The following DBT variants were observed in gnomAD, a reference collection of about 807,000 sequenced individuals.
DBT encodes the protein lipoamide acyltransferase component of branched-chain alpha-keto acid dehydrogenase complex, mitochondrial.
DBT carries 40 observed loss-of-function variants against 51.3 expected under a neutral mutation model. That is an observed-to-expected ratio of 0.78 (90% CI 0.61 to 1.02). The LOEUF (loss-of-function observed/expected upper bound fraction) is 1.02, where lower values mean the gene tolerates loss of function less well. DBT is among the 50% of genes least tolerant of loss of function. DBT has a pLI of 0.00. For missense variants in DBT, 510 were observed against 580.2 expected (o/e 0.88, Z 1.24); for synonymous variants, 181 against 190.4 (o/e 0.95, Z 0.41).
At chr1:100,243,320 T>G (rs1431295730) in intron 1 of DBT, among the ~76,000 whole-genome samples, 2 of 151,642 alleles carry the variant, frequency 1.3e-5, no homozygotes, top group African/African-American at 4.8e-5. Context: ...TCATCTTTTT[T>G]TCTTTTTTTT....
At chr1:100,239,112 A>C (rs1157323996) in intron 2 of DBT, among the ~76,000 whole-genome samples, 1 of 152,220 alleles carries the variant, frequency 6.6e-6, no homozygotes, top group East Asian at 1.9e-4. Flanking sequence ...TATCCCAAGC[A>C]CCTAGAGCAG....
At chr1:100,239,851 C>CAAAAAAA (rs56661922) in intron 2 of DBT, among the ~76,000 whole-genome samples, 323 of 111,076 alleles carry the variant, frequency 2.9e-3, no homozygotes, top group Non-Finnish European at 5.0e-3. Flanking sequence ...CAACAGAGCT[C>CAAAAAAA]AAAAAAAAAA....
intron 2 of DBT, among the ~76,000 whole-genome samples, chr1:100,236,336 T>C (rs922705087): frequency 1.3e-5 from 2 of 152,190 alleles, no homozygotes; most frequent in Non-Finnish European, 2.9e-5. Flanking sequence ...TTCTGATCAT[T>C]TGAAAGCACG....
rs398123662 is a variant in DBT at position 100,196,274 on chromosome 1, A to C, written c.1430T>G (p.Met477Arg). Residue 477 changes from methionine to arginine, a missense_variant, in exon 11 of 11, where the codon ATG becomes AGG. Physicochemically the swap from Met to Arg is moderately conservative, Grantham distance 91 (BLOSUM62 -1). Transcript: ENST00000370132. ...CAGTCTTCATTTCAGATCTAGTAGC[A>C]TAAAAGCTGGGTTTTCTAAATAGGA... ...WKSYLENPAF[M>R]LLDLK 3.1e-6 allele frequency: 5 copies of C among 1,613,900 alleles called. No homozygotes were observed. The Middle Eastern group carries it at 4.9e-4, about 159-fold the overall frequency.
intron 10 of DBT, among the ~76,000 whole-genome samples, chr1:100,204,149 G>C (rs573249650): frequency 2.0e-5 from 3 of 152,314 alleles, no homozygotes; most frequent in African/African-American, 7.2e-5. Context: ...TATAGGAAGA[G>C]AGGAAGTCAA....
In DBT at chr1:100,188,265, A is replaced by C. The variant is rs1266711585; in HGVS notation, c.*7990T>G. 1 of 152,156 alleles carries C rather than the reference A, an allele frequency of 6.6e-6. No individual in the cohort carries two copies. Among genetic ancestry groups the C allele is most frequent in the East Asian group, 1.9e-4 (1 of 5,192 alleles). The allele number at this position is 152,156 out of a possible 1,614,324, so 9.4% of individuals were successfully genotyped here. ...ATTTATATTCATCCCTGCCATTCCT[A>C]TTAACTTAATTACACCTGCCCACAA... On this transcript the variant is annotated 3_prime_UTR_variant, in exon 11 of 11. Transcript: ENST00000370132.
chr1:100,217,466 C>A (rs1402772606), intron 5 of DBT, among the ~76,000 whole-genome samples: 1 of 152,132 alleles, frequency 6.6e-6, no homozygotes, highest in Non-Finnish European at 1.5e-5. Context: ...GTGTATGCAT[C>A]TTCTAATTTT....
intron 4 of DBT, among the ~76,000 whole-genome samples, chr1:100,226,367 T>C (rs1240854679): frequency 6.7e-6 from 1 of 148,802 alleles, no homozygotes; most frequent in East Asian, 2.0e-4. Flanking sequence ...CACTGCAGCC[T>C]CTACCTCCTG....
At chr1:100,234,357 T>G (rs1242780227) in intron 3 of DBT, among the ~76,000 whole-genome samples, 2 of 151,930 alleles carry the variant, frequency 1.3e-5, no homozygotes, top group African/African-American at 2.4e-5. Flanking sequence ...CAAAAAAAGC[T>G]GGGTGCAGTG....
At chr1:100,242,019 C>CA (rs890529742) in intron 1 of DBT, among the ~76,000 whole-genome samples, 172 of 140,496 alleles carry the variant, frequency 1.2e-3, no homozygotes, top group South Asian at 1.8e-3. Context: ...GACTCCATCT[C>CA]AAAAAAAAAA....
At chr1:100,215,777 G>A (rs1348168665) in intron 6 of DBT, among the ~76,000 whole-genome samples, 2 of 152,092 alleles carry the variant, frequency 1.3e-5, no homozygotes, top group African/African-American at 4.8e-5. Context: ...AGCCAAGATC[G>A]TGCCACTGCA....
At chr1:100,239,622 G>A (rs1664089493) in intron 2 of DBT, among the ~76,000 whole-genome samples, 1 of 151,934 alleles carries the variant, frequency 6.6e-6, no homozygotes, top group Admixed American at 6.6e-5. Flanking sequence ...TGTAATCCCA[G>A]CCCTTCGGGA....
At chr1:100,203,682 C>T (rs1216515526) in intron 10 of DBT, among the ~76,000 whole-genome samples, 1 of 152,234 alleles carries the variant, frequency 6.6e-6, no homozygotes, top group Non-Finnish European at 1.5e-5. Context: ...CCCTGATGAA[C>T]ATCAATGCCA....
chr1:100,215,127 T>A (rs1662405435), intron 6 of DBT, 144 bp from the exon 7 acceptor site: 1 of 655,854 alleles, frequency 1.5e-6, no homozygotes, highest in South Asian at 1.9e-5. Context: ...ACTCTCTTCA[T>A]TACATTACAC....
At position 100,241,366 on chromosome 1, in the gene DBT, TTGTGTGTGTGTG is replaced by T. The variant is rs58256713; in HGVS notation, c.52-494_52-483del. On this transcript the variant is annotated intron_variant, in intron 1 of 10. Coordinates refer to ENST00000370132, the MANE Select transcript of DBT (RefSeq NM_001918.5). ...TCAAAACCTAAGTGTCTGAAAGGTA[TTGTGTGTGTGTG>T]TGTGTGTGTGTGTGTGTGTGTGTGT... Among the ~76,000 whole-genome samples, 293 of 144,072 alleles carry T rather than the reference TTGTGTGTGTGTG, an allele frequency of 2.0e-3. 1 individual carries two copies. Among genetic ancestry groups the T allele is most frequent in the Admixed American group, 1.9e-3 (28 of 14,462 alleles). The allele number at this position is 144,072 out of a possible 152,430, so 94.5% of individuals were successfully genotyped here. A position where few individuals can be genotyped will look rare whatever the true frequency, so the allele number is the denominator to read the frequency against.
rs753466954 is a variant in DBT, at chr1:100,235,419, T to C, written c.251+17A>G. 1.6e-4 allele frequency: 219 copies of C among 1,334,736 alleles called. 2 individuals carry two copies. The East Asian group carries it at 5.0e-3, about 31-fold the overall frequency. 82.7% of individuals were successfully genotyped at this position (1,334,736 alleles called of 1,614,324 possible). On this transcript the variant is annotated intron_variant, in intron 3 of 10. Transcript: ENST00000370132. ...TATTTTTAAATTTACTTAAGAGCTT[T>C]TTTCAGATTCACTTACCATTCTTTA...
intron 3 of DBT, among the ~76,000 whole-genome samples, chr1:100,233,043 A>G (rs189395896): frequency 6.6e-6 from 1 of 152,300 alleles, no homozygotes; most frequent in East Asian, 1.9e-4. Flanking sequence ...TTCCAACTAT[A>G]TGCTAAGAAA....
At chr1:100,243,939 C>CAA (rs1647111308) in intron 1 of DBT, among the ~76,000 whole-genome samples, 1 of 53,736 alleles carries the variant, frequency 1.9e-5, no homozygotes. Flanking sequence ...CATAGGTTTA[C>CAA]GAAAAAAAAA....
chr1:100,244,492 T>A (rs1297429815), intron 1 of DBT, among the ~76,000 whole-genome samples: 2 of 152,104 alleles, frequency 1.3e-5, no homozygotes, highest in Admixed American at 1.3e-4. Context: ...CAAGAAACTA[T>A]TACATACCAA....
Sources: gnomAD v4.1 joint callset for allele counts (sites outside exome capture counted in the v4.1 genomes callset) on GRCh38, gnomAD v4.1.1 for gene constraint, MANE v1.5 for transcripts, NCBI Gene and HGNC (gene_info 2026-07-23, HGNC 2026-07-21) for gene names.